LARGE1: variants seen among roughly 807,000 people sequenced by gnomAD.
LARGE1 encodes the protein LARGE xylosyl- and glucuronyltransferase 1.
LARGE1 carries 43 observed loss-of-function variants against 87.6 expected under a neutral mutation model. That is an observed-to-expected ratio of 0.49 (90% CI 0.38 to 0.63). The LOEUF is 0.63. Among genes scored for constraint, LARGE1 ranks in the 30% least tolerant of loss-of-function variants. The probability of loss-of-function intolerance (pLI) is 0.00; values close to 1 mark genes in which losing one functional copy is unlikely to be tolerated. For missense variants in LARGE1, 802 were observed against 1,000.2 expected, an observed-to-expected ratio of 0.80 and a Z score of 2.67; for synonymous variants, 434 against 394.6, an observed-to-expected ratio of 1.10 and a Z score of -1.18.
At chr22:33,784,364 G>T (rs980062420) in intron 1 of LARGE1, among the ~76,000 whole-genome samples, 1 of 152,126 alleles carries the variant, frequency 6.6e-6, no homozygotes, top group Admixed American at 6.5e-5. Context: ...CAATTTGCTC[G>T]AAGTCACAAG....
At chr22:33,644,590 G>C (rs542170950) in intron 3 of LARGE1, among the ~76,000 whole-genome samples, 14 of 152,244 alleles carry the variant, frequency 9.2e-5, no homozygotes, top group African/African-American at 2.9e-4. Context: ...AGAATTAAAG[G>C]GTATTCAAAC....
chr22:33,766,199 G>A (rs537966437), intron 1 of LARGE1, among the ~76,000 whole-genome samples: 2 of 152,254 alleles, frequency 1.3e-5, no homozygotes, highest in East Asian at 3.9e-4. Flanking sequence ...CTAATCTGCT[G>A]TCTCCCTACT....
At chr22:33,886,161 A>C (rs2064838433) in intron 1 of LARGE1, among the ~76,000 whole-genome samples, 1 of 152,210 alleles carries the variant, frequency 6.6e-6, no homozygotes, top group African/African-American at 2.4e-5. Context: ...CATGGAAGCC[A>C]GCCCACAGCA....
rs1602110534 is a variant in LARGE1, at chr22:33,221,512, G to A, written c.1731-54680C>T. On this transcript the variant is annotated intron_variant, in intron 11 of 11. Coordinates refer to the LARGE1 transcript ENST00000608642. ...AATTTAAAAATCAAGCAAATGTTGA[G>A]TCATCAAAGGAAATTTGCATTTATT... 2.0e-5 allele frequency: 3 copies of A among 152,330 alleles called. 1 individual carries two copies. In the South Asian group the frequency reaches 6.2e-4, roughly 32 times the overall value. 9.4% of individuals were successfully genotyped at this position (152,330 alleles called of 1,614,324 possible).
Position 33,422,510 on chromosome 22 carries a change from C to CT in LARGE1, c.892+9650dup, listed in dbSNP as rs1309810438. ...AGAACGAGCTTGGAAGTGCTACACA[C>CT]TTTTTTTTTTTTTTTTTGAGATGGA... On this transcript the variant is annotated intron_variant, in intron 7 of 14. Transcript: ENST00000397394. Among the ~76,000 whole-genome samples the CT allele has an allele frequency of 1.7e-3, 237 of 136,606 alleles. 2 individuals are homozygous for CT. The highest frequency in any genetic ancestry group is 7.5e-3 in the Middle Eastern group (2 of 268). The allele number at this position is 136,606 out of a possible 152,430, so 89.6% of individuals were successfully genotyped here. A position where few individuals can be genotyped will look rare whatever the true frequency, so the allele number is the denominator to read the frequency against.
At chr22:33,648,785 GTATT>G (rs934368137) in intron 3 of LARGE1, among the ~76,000 whole-genome samples, 1 of 152,142 alleles carries the variant, frequency 6.6e-6, no homozygotes, top group African/African-American at 2.4e-5. Flanking sequence ...CCTGACATTT[GTATT>G]TATTTATTTG....
At chr22:33,412,515 A>G (rs2066340625) in intron 7 of LARGE1, among the ~76,000 whole-genome samples, 1 of 152,204 alleles carries the variant, frequency 6.6e-6, no homozygotes, top group Admixed American at 6.5e-5. Context: ...CCATACAGAC[A>G]TGGCAGACGC....
In LARGE1 at chr22:33,273,407, A is replaced by C; in HGVS notation, c.*1020T>G. On this transcript the variant is annotated 3_prime_UTR_variant, in exon 15 of 15. Coordinates refer to ENST00000397394, the MANE Select transcript of LARGE1 (RefSeq NM_133642.5). ...TCTCCAGATGGATACGTGAATCTTC[A>C]GAACTGGGCTTTCATGAATTATGAA... is the stretch of plus-strand genomic sequence containing the variant. 2.5e-6 allele frequency: 1 copy of C among 398,784 alleles called. No individual in the cohort carries two copies. The highest frequency in any genetic ancestry group is 3.6e-5 in the East Asian group (1 of 28,076). 24.7% of individuals were successfully genotyped at this position (398,784 alleles called of 1,614,324 possible). A position where few individuals can be genotyped will look rare whatever the true frequency, so the allele number is the denominator to read the frequency against.
chr22:33,714,543 C>T (rs558187339), intron 2 of LARGE1, among the ~76,000 whole-genome samples: 10 of 152,192 alleles, frequency 6.6e-5, no homozygotes, highest in Non-Finnish European at 1.0e-4. Context: ...CATATAAATG[C>T]CAAATTAAGA....
chr22:33,096,588 A>G, the LARGE1 span, among the ~76,000 whole-genome samples: 2 of 142,636 alleles, frequency 1.4e-5, no homozygotes, highest in South Asian at 4.4e-4. Flanking sequence ...TTTTTGAGAC[A>G]GAGTCTCGCT....
chr22:33,521,013 G>T (rs1345285876), intron 6 of LARGE1, among the ~76,000 whole-genome samples: 1 of 152,234 alleles, frequency 6.6e-6, no homozygotes, highest in Non-Finnish European at 1.5e-5. Flanking sequence ...CTGATTTTCA[G>T]TCCCCAGCGC....
chr22:33,424,308 A>C (rs2066798095), intron 7 of LARGE1, among the ~76,000 whole-genome samples: 1 of 152,234 alleles, frequency 6.6e-6, no homozygotes, highest in South Asian at 2.1e-4. Context: ...TCAGAGTGTC[A>C]CTTCCAAAGA....
intron 1 of LARGE1, among the ~76,000 whole-genome samples, chr22:33,891,853 T>C (rs2065015167): frequency 6.6e-6 from 1 of 152,216 alleles, no homozygotes; most frequent in South Asian, 2.1e-4. Context: ...ATCGATGCAT[T>C]GGCTGTGATG....
chr22:33,626,173 C>A, intron 4 of LARGE1, 71 bp downstream of exon 4: 2 of 1,391,268 alleles, frequency 1.4e-6, no homozygotes, highest in Non-Finnish European at 2.0e-6. Context: ...TCCTATTTAA[C>A]CCTTCCCCAA....
intron 4 of LARGE1, among the ~76,000 whole-genome samples, chr22:33,625,714 G>T (rs1053661609): frequency 6.6e-6 from 1 of 152,098 alleles, no homozygotes; most frequent in South Asian, 2.1e-4. Flanking sequence ...TGTTCACATG[G>T]TCTGTGTTTG....
In LARGE1 at chr22:33,179,220, T is replaced by C. The variant is rs1401240241; in HGVS notation, c.1731-12388A>G. On this transcript the variant is annotated intron_variant, in intron 11 of 11. Transcript: ENST00000608642. ...GGAAGGCATATTCAAACCATAGCAA[T>C]CCACACATGCAGCTATGGGGGCAAA... is the stretch of plus-strand genomic sequence containing the variant. Among the ~76,000 whole-genome samples, 6 of 152,114 alleles carry C rather than the reference T, an allele frequency of 3.9e-5. No individual in the cohort carries two copies. In the South Asian group the frequency reaches 6.2e-4, roughly 16 times the overall value.
intron 1 of LARGE1, among the ~76,000 whole-genome samples, chr22:33,769,628 G>A (rs2085005625): frequency 6.6e-6 from 1 of 152,110 alleles, no homozygotes; most frequent in South Asian, 2.1e-4. Flanking sequence ...GAATGCTGTG[G>A]AACTTACACT....
chr22:33,766,184 A>G (rs1037248038), intron 1 of LARGE1, among the ~76,000 whole-genome samples: 3 of 152,280 alleles, frequency 2.0e-5, no homozygotes, highest in Admixed American at 6.5e-5. Context: ...TGGGAAAACC[A>G]GCCTCTAATC....
chr22:33,441,030 T>A (rs959926557), intron 6 of LARGE1, among the ~76,000 whole-genome samples: 3 of 151,178 alleles, frequency 2.0e-5, no homozygotes, highest in Non-Finnish European at 4.4e-5. Context: ...TGTTTTTTTT[T>A]CCTATGTGTC....
Sources: allele counts gnomAD v4.1 joint callset (sites outside exome capture counted in the v4.1 genomes callset), GRCh38; gene constraint gnomAD v4.1.1; transcripts MANE v1.5; gene names NCBI Gene and HGNC (gene_info 2026-07-23, HGNC 2026-07-21).